The following CABP1 variants were observed in gnomAD, a reference collection of about 807,000 sequenced individuals.
The protein encoded by CABP1 is calcium binding protein 1, also known as calcium-binding protein 1.
CABP1 carries 17 observed loss-of-function variants against 34.3 expected under a neutral mutation model. The observed-to-expected ratio is 0.50, with a 90% confidence interval of 0.34 to 0.74. The LOEUF (loss-of-function observed/expected upper bound fraction) is 0.74. Among genes scored for constraint, CABP1 ranks in the 30% least tolerant of loss-of-function variants. The pLI is 0.01. For synonymous variants in CABP1, 198 were observed against 229.2 expected, an observed-to-expected ratio of 0.86 and a Z score of 1.23; for missense variants, 373 against 511.1, an observed-to-expected ratio of 0.73 and a Z score of 2.61.
chr12:120,662,595 A>C (rs1013881246), intron 5 of CABP1, among the ~76,000 whole-genome samples: 1 of 151,464 alleles, frequency 6.6e-6, no homozygotes, highest in Non-Finnish European at 1.5e-5. Context: ...TCCTGACCTC[A>C]AGTGATCCAC....
In CABP1 at chr12:120,666,907, G is replaced by A. The variant is rs757721882; in HGVS notation, c.*7G>A. The A allele has an allele frequency of 5.0e-6, 8 of 1,603,684 alleles. No homozygotes were observed. The highest frequency in any genetic ancestry group is 4.2e-6 in the Non-Finnish European group (5 of 1,178,428). ...CCGGATGATGTCCCGCTGAGGCCGC[G>A]AGGGCCCCTCCAGGACTGCCAAGCT... On this transcript the variant is annotated 3_prime_UTR_variant, in exon 6 of 6. Transcript: ENST00000316803.
At chr12:120,666,680 G>GGAGGTTTACGC (rs1881012396) in intron 5 of CABP1, among the ~76,000 whole-genome samples, 195 bp from the exon 6 acceptor site, 1 of 152,104 alleles carries the variant, frequency 6.6e-6, no homozygotes, top group Non-Finnish European at 1.5e-5. Context: ...GAGAGCTGTG[G>GGAGGTTTACGC]GAGGTTTACG....
chr12:120,655,962 G>A (rs1165946552), intron 1 of CABP1: 1 of 1,545,728 alleles, frequency 6.5e-7, no homozygotes, highest in Non-Finnish European at 8.7e-7. Flanking sequence ...GCACGCTCAG[G>A]GCTCTCTGAA....
Position 120,660,846 on chromosome 12 carries a change from G to C in CABP1, c.939+6G>C. The stretch of plus-strand genomic sequence containing the variant: ...TGCGAGATGCTTTCCGAGAGGTAAC[G>C]GACAGAGGCAGGCAGGCATGGGGCG... On this transcript the variant is annotated splice_donor_region_variant and intron_variant, in intron 4 of 5. Transcript: ENST00000316803. This position sits in a 1 kb window ranked among gnomAD's most constrained non-coding sequence, Gnocchi z 5.0. 1 of 1,599,468 alleles carries C rather than the reference G, an allele frequency of 6.3e-7. No individual in the cohort carries two copies. Among genetic ancestry groups the C allele is most frequent in the Non-Finnish European group, 8.6e-7 (1 of 1,166,676 alleles).
chr12:120,656,341 A>T, intron 1 of CABP1: 1 of 1,415,188 alleles, frequency 7.1e-7, no homozygotes, highest in African/African-American at 1.4e-5. Flanking sequence ...GCTGGGATGA[A>T]GAAGGGGTCT....
chr12:120,660,921 C>T lies in CABP1; in HGVS notation c.939+81C>T. 1 of 1,391,198 alleles carries T rather than the reference C, an allele frequency of 7.2e-7. No individual in the cohort carries two copies. The highest frequency in any genetic ancestry group is 1.9e-4 in the Middle Eastern group (1 of 5,374). 86.2% of individuals were successfully genotyped at this position (1,391,198 alleles called of 1,614,324 possible). On this transcript the variant is annotated intron_variant, in intron 4 of 5. Transcript: ENST00000316803. This position sits in a 1 kb window ranked among gnomAD's most constrained non-coding sequence, Gnocchi z 5.0. Reference sequence around the variant, plus strand: ...TAAATACTTCAAAAGAAGCCTGAGCCTCAAGTCCCAGATCAGGGGAGGGAG... The same window carrying T: ...TAAATACTTCAAAAGAAGCCTGAGCTTCAAGTCCCAGATCAGGGGAGGGAG...
Position 120,641,531 on chromosome 12 carries a change from G to T in CABP1, c.654+192G>T, listed in dbSNP as rs1252174056. On this transcript the variant is annotated intron_variant, in intron 1 of 5. Coordinates refer to ENST00000316803, the MANE Select transcript of CABP1 (RefSeq NM_001033677.2). The surrounding 1 kb of genome is among the most constrained non-coding windows in gnomAD (Gnocchi z 6.7). ...CCGTGCCTGATTCAGCACCCCGTGC[G>T]CTGTCCACGCTCCGGGCCTCTTGGG... The T allele has an allele frequency of 2.0e-6, 1 of 512,312 alleles. No individual in the cohort carries two copies. Among genetic ancestry groups the T allele is most frequent in the African/African-American group, 2.0e-5 (1 of 50,626 alleles). 31.7% of individuals were successfully genotyped at this position (512,312 alleles called of 1,614,324 possible).
intron 5 of CABP1, among the ~76,000 whole-genome samples, chr12:120,665,708 C>T (rs1880928554): frequency 8.0e-6 from 1 of 124,626 alleles, no homozygotes; most frequent in African/African-American, 2.6e-5. Flanking sequence ...TTGCCATAAA[C>T]CTAAAATTGC....
rs1399173280 is a variant in CABP1, at chr12:120,661,043, A to C, written c.940-28A>C. The C allele has an allele frequency of 1.2e-6, 2 of 1,604,526 alleles. No individual in the cohort carries two copies. The highest frequency in any genetic ancestry group is 1.7e-6 in the Non-Finnish European group (2 of 1,175,176). ...TGCTGCCAATCGCCATGCTGGGGCG[A>C]CCTCTCCTTCCTTCCTGCCTTCTCT... is the stretch of plus-strand genomic sequence containing the variant. On this transcript the variant is annotated intron_variant, in intron 4 of 5. Coordinates refer to ENST00000316803, the MANE Select transcript of CABP1 (RefSeq NM_001033677.2). This position sits in a 1 kb window ranked among gnomAD's most constrained non-coding sequence, Gnocchi z 5.1.
intron 1 of CABP1, among the ~76,000 whole-genome samples, chr12:120,654,690 TGCAGGCC>T (rs1880061254): frequency 6.6e-6 from 1 of 151,516 alleles, no homozygotes; most frequent in African/African-American, 2.4e-5. Context: ...GAAGGCAGAG[TGCAGGCC>T]GAAGGCAGAG....
At chr12:120,680,308 GAGAAAGGAGACTCAGCA>G in the CABP1 span, among the ~76,000 whole-genome samples, 4 of 152,144 alleles carry the variant, frequency 2.6e-5, no homozygotes, top group African/African-American at 9.7e-5. Context: ...TGCGTTTCAG[GAGAAAGGAGACTCAGCA>G]AGAAAGGAAG....
chr12:120,654,500 T>A lies in CABP1; in HGVS notation c.655-5378T>A, dbSNP rs532154981. On this transcript the variant is annotated intron_variant, in intron 1 of 5. Coordinates refer to ENST00000316803, the MANE Select transcript of CABP1 (RefSeq NM_001033677.2). Reference sequence around the variant, plus strand: ...TGGAGGAATCTGACTGCAAGTAGAATGCAGTAGGATGGAAGGATAGGGTGC... The same window carrying A: ...TGGAGGAATCTGACTGCAAGTAGAAAGCAGTAGGATGGAAGGATAGGGTGC... Among the ~76,000 whole-genome samples, 4 of 152,326 alleles carry A rather than the reference T, an allele frequency of 2.6e-5. No individual in the cohort carries two copies. The South Asian group carries it at 8.3e-4, about 32-fold the overall frequency.
chr12:120,670,655 C>T (rs1881221775), downstream of CABP1, among the ~76,000 whole-genome samples: 1 of 151,832 alleles, frequency 6.6e-6, no homozygotes, highest in South Asian at 2.1e-4. Context: ...GGCTGAAGGA[C>T]GAGAATCACT....
Position 120,660,955 on chromosome 12 carries a change from G to C in CABP1, c.939+115G>C. 3 of 1,419,510 alleles carry C rather than the reference G, an allele frequency of 2.1e-6. No homozygotes were observed. Among genetic ancestry groups the C allele is most frequent in the South Asian group, 2.5e-5 (2 of 80,768 alleles). The allele number at this position is 1,419,510 out of a possible 1,614,324, so 87.9% of individuals were successfully genotyped here. A position where few individuals can be genotyped will look rare whatever the true frequency, so the allele number is the denominator to read the frequency against. ...CAGATCAGGGGAGGGAGCTTGGACA[G>C]AGAAAGGTCTCTGGTAAAGGGGGGC... On this transcript the variant is annotated intron_variant, in intron 4 of 5. Transcript: ENST00000316803. This position sits in a 1 kb window ranked among gnomAD's most constrained non-coding sequence, Gnocchi z 5.0.
At chr12:120,658,631 G>A (rs1165945968) in intron 1 of CABP1, among the ~76,000 whole-genome samples, 1 of 152,198 alleles carries the variant, frequency 6.6e-6, no homozygotes, top group Admixed American at 6.5e-5. Flanking sequence ...TAGATGATCT[G>A]CAGATTTTCT....
At chr12:120,666,520 C>T (rs958224662) in intron 5 of CABP1, among the ~76,000 whole-genome samples, 1 of 148,914 alleles carries the variant, frequency 6.7e-6, no homozygotes, top group East Asian at 2.0e-4. Flanking sequence ...AGAGAGAGTG[C>T]GCCAGCTGCA....
intron 1 of CABP1, among the ~76,000 whole-genome samples, chr12:120,657,662 G>A (rs1880324771): frequency 6.6e-6 from 1 of 152,190 alleles, no homozygotes; most frequent in Non-Finnish European, 1.5e-5. Flanking sequence ...GCTGTGCATG[G>A]GGTGTGTGAT....
At chr12:120,678,841 G>T in the CABP1 span, among the ~76,000 whole-genome samples, 42 of 21,698 alleles carry the variant, frequency 1.9e-3, no homozygotes, top group African/African-American at 0.068. Flanking sequence ...GGATGCTGAG[G>T]GGGGGGCAGA....
At chr12:120,643,739 T>A (rs1879438168) in intron 1 of CABP1, among the ~76,000 whole-genome samples, 1 of 152,236 alleles carries the variant, frequency 6.6e-6, no homozygotes, top group Admixed American at 6.5e-5. Flanking sequence ...CCAAGTCTAT[T>A]TCTTTACCTG....
Sources: gnomAD v4.1 joint callset for allele counts (sites outside exome capture counted in the v4.1 genomes callset) on GRCh38, gnomAD v4.1.1 for gene constraint, Gnocchi (gnomAD v3.1) non-coding constraint, MANE v1.5 for transcripts, NCBI Gene and HGNC (gene_info 2026-07-23, HGNC 2026-07-21) for gene names.